Variants in ZNF618 observed in about 807,000 individuals in gnomAD.
The protein encoded by ZNF618 is neural precursor cell expressed, developmentally down-regulated 10.
ZNF618 carries 34 observed loss-of-function variants against 103.0 expected under a neutral mutation model. The observed-to-expected ratio is 0.33, with a 90% CI of 0.25 to 0.44. The LOEUF (loss-of-function observed/expected upper bound fraction) is 0.44, where lower values mean the gene tolerates loss of function less well. ZNF618 is among the 20% of genes least tolerant of loss of function. The pLI, the probability that ZNF618 is intolerant of heterozygous loss-of-function variation, is 1.00. For synonymous variants in ZNF618, 551 were observed against 542.2 expected, an observed-to-expected ratio of 1.02 and a Z score of -0.23; for missense variants, 1,059 against 1,295.4, an observed-to-expected ratio of 0.82 and a Z score of 2.80.
At chr9:113,924,578 T>G (rs1269407156) in intron 1 of ZNF618, among the ~76,000 whole-genome samples, 1 of 151,704 alleles carries the variant, frequency 6.6e-6, no homozygotes, top group African/African-American at 2.4e-5. Flanking sequence ...TGATTTCTTC[T>G]GCTTGCCTTT....
At chr9:113,943,377 G>A (rs1393535083) in intron 1 of ZNF618, among the ~76,000 whole-genome samples, 3 of 152,158 alleles carry the variant, frequency 2.0e-5, no homozygotes, top group African/African-American at 4.8e-5. Context: ...GTGCTGGGCA[G>A]CAGTGACTGC....
intron 1 of ZNF618, among the ~76,000 whole-genome samples, chr9:113,958,856 A>G (rs1410937806): frequency 1.3e-5 from 2 of 152,168 alleles, no homozygotes; most frequent in Non-Finnish European, 1.5e-5. Context: ...TCATTGCCCT[A>G]ACCAGCAGCC....
chr9:113,914,141 C>G (rs781638693), intron 1 of ZNF618, among the ~76,000 whole-genome samples: 3 of 152,152 alleles, frequency 2.0e-5, no homozygotes, highest in Non-Finnish European at 4.4e-5. Flanking sequence ...GTTATTACCC[C>G]AGGAGAGAGC....
intron 3 of ZNF618, among the ~76,000 whole-genome samples, chr9:113,995,727 T>A (rs1045186227): frequency 1.3e-5 from 2 of 152,088 alleles, no homozygotes; most frequent in African/African-American, 4.8e-5. Context: ...GAGCAGAGAG[T>A]TGGAAGTCAC....
intron 1 of ZNF618, among the ~76,000 whole-genome samples, chr9:113,914,607 A>C (rs1215199426): frequency 2.0e-5 from 3 of 152,214 alleles, no homozygotes; most frequent in Non-Finnish European, 4.4e-5. Context: ...GAAGAGCTCT[A>C]AGGTGTGTAA....
At chr9:114,004,595 C>T (rs1841568803) in intron 6 of ZNF618, among the ~76,000 whole-genome samples, 2 of 152,204 alleles carry the variant, frequency 1.3e-5, no homozygotes, top group South Asian at 2.1e-4. Context: ...GTCCTTCCGT[C>T]ACTTTTCCCT....
chr9:114,006,074 T>C (rs1201617127), intron 6 of ZNF618, among the ~76,000 whole-genome samples: 1 of 152,172 alleles, frequency 6.6e-6, no homozygotes, highest in Non-Finnish European at 1.5e-5. Flanking sequence ...GTGAAGCTGG[T>C]GGTGGGAGGG....
At chr9:113,935,760 T>C (rs1022564953) in intron 1 of ZNF618, among the ~76,000 whole-genome samples, 1 of 152,172 alleles carries the variant, frequency 6.6e-6, no homozygotes, top group African/African-American at 2.4e-5. Flanking sequence ...AGTCTCTCCC[T>C]GCACCCTGCC....
At chr9:113,876,569 G>T (rs1325116436) in intron 1 of ZNF618, among the ~76,000 whole-genome samples, 156 bp downstream of exon 1, 1 of 151,826 alleles carries the variant, frequency 6.6e-6, no homozygotes, top group Non-Finnish European at 1.5e-5. Context: ...TCGGGGTCCG[G>T]AGAGCACCCC....
At chr9:113,929,034 A>G (rs975100690) in intron 1 of ZNF618, among the ~76,000 whole-genome samples, 1 of 152,174 alleles carries the variant, frequency 6.6e-6, no homozygotes, top group Admixed American at 6.5e-5. Flanking sequence ...CTATTTCAGA[A>G]TGATCACTTT....
intron 10 of ZNF618, among the ~76,000 whole-genome samples, chr9:114,021,315 T>C (rs1843049027): frequency 1.3e-5 from 2 of 152,222 alleles, no homozygotes; most frequent in South Asian, 4.1e-4. Flanking sequence ...ACAATCAAGT[T>C]CTTGCTTAGG....
At chr9:113,892,081 A>C (rs1829660621) in intron 1 of ZNF618, among the ~76,000 whole-genome samples, 1 of 152,304 alleles carries the variant, frequency 6.6e-6, no homozygotes, top group East Asian at 1.9e-4. Context: ...GACAATGGGC[A>C]GTTGTTAAAT....
rs751519487 is a variant in ZNF618, at chr9:114,050,373, TGCTGTG to T, written c.*208_*213del. The T allele has an allele frequency of 1.4e-5, 8 of 575,982 alleles. No homozygotes were observed. Among genetic ancestry groups the T allele is most frequent in the Non-Finnish European group, 2.3e-5 (8 of 349,544 alleles). 35.7% of individuals were successfully genotyped at this position (575,982 alleles called of 1,614,324 possible). A position where few individuals can be genotyped will look rare whatever the true frequency, so the allele number is the denominator to read the frequency against. Reference sequence around the variant, plus strand: ...ACGTGTGTGCACGTGTCTGAACACGTGCTGTGGTTGTGGGGGTGTGGGGGGGTCTCT... The same window carrying T: ...ACGTGTGTGCACGTGTCTGAACACGTGTTGTGGGGGTGTGGGGGGGTCTCT... On this transcript the variant is annotated 3_prime_UTR_variant, in exon 15 of 15. Transcript: ENST00000374126.
At chr9:113,905,781 C>T (rs766914323) in intron 1 of ZNF618, among the ~76,000 whole-genome samples, 39 of 152,324 alleles carry the variant, frequency 2.6e-4, no homozygotes, top group Admixed American at 2.6e-4. Flanking sequence ...CTCTGATTCC[C>T]TCCCTTGCAT....
intron 1 of ZNF618, among the ~76,000 whole-genome samples, chr9:113,944,081 C>T (rs191899309): frequency 2.6e-5 from 4 of 152,242 alleles, no homozygotes; most frequent in African/African-American, 9.6e-5. Flanking sequence ...GCTCACACCT[C>T]GCCCTGCACG....
chr9:114,008,733 G>A (rs746447509), intron 9 of ZNF618, among the ~76,000 whole-genome samples, 179 bp downstream of exon 9: 2 of 152,154 alleles, frequency 1.3e-5, no homozygotes, highest in Admixed American at 6.5e-5. Flanking sequence ...GGAGCAGCAG[G>A]GCAGCACAGG....
At chr9:113,926,341 G>A (rs546669928) in intron 1 of ZNF618, among the ~76,000 whole-genome samples, 20 of 151,726 alleles carry the variant, frequency 1.3e-4, no homozygotes, top group East Asian at 9.6e-4. Flanking sequence ...AGTATGATAC[G>A]CTGGGATACA....
intron 10 of ZNF618, among the ~76,000 whole-genome samples, chr9:114,026,267 G>T (rs974651445): frequency 1.3e-5 from 2 of 152,238 alleles, no homozygotes; most frequent in African/African-American, 2.4e-5. Flanking sequence ...TCAATGGCCT[G>T]TGAGGAAGCT....
intron 1 of ZNF618, among the ~76,000 whole-genome samples, chr9:113,943,688 A>G (rs1834750232): frequency 6.6e-6 from 1 of 152,012 alleles, no homozygotes; most frequent in Non-Finnish European, 1.5e-5. Flanking sequence ...AAAAGGTCTT[A>G]TAAAACCCGA....
Sources: gnomAD v4.1 joint callset for allele counts (sites outside exome capture counted in the v4.1 genomes callset) on GRCh38, gnomAD v4.1.1 for gene constraint, MANE v1.5 for transcripts, NCBI Gene and HGNC (gene_info 2026-07-23, HGNC 2026-07-21) for gene names.